The following BCL2 variants were observed in gnomAD, a reference collection of about 807,000 sequenced individuals.
BCL2 encodes BCL2 apoptosis regulator, also known as apoptosis regulator Bcl-2.
A neutral mutation model predicts 14.2 loss-of-function variants in BCL2; 1 was observed. The ratio of observed to expected loss-of-function variants is 0.07; its 90% CI spans 0.02 to 0.33. The LOEUF (loss-of-function observed/expected upper bound fraction) is 0.33, where lower values mean the gene tolerates loss of function less well. Ranked by LOEUF, BCL2 falls within the 10% of genes least tolerant of loss-of-function variation. The pLI is 0.99. For synonymous variants in BCL2, 151 were observed against 137.2 expected (o/e 1.10, Z -0.70); for missense variants, 247 against 305.9 (o/e 0.81, Z 1.44).
At chr18:63,272,636 A>G (rs1030339893) in intron 2 of BCL2, among the ~76,000 whole-genome samples, 1 of 152,226 alleles carries the variant, frequency 6.6e-6, no homozygotes, top group African/African-American at 2.4e-5. Context: ...TAAGGCTGAG[A>G]ATTATAAGTA....
intron 2 of BCL2, among the ~76,000 whole-genome samples, chr18:63,282,167 T>C (rs1380177059): frequency 1.3e-5 from 2 of 152,214 alleles, no homozygotes; most frequent in Non-Finnish European, 2.9e-5. Context: ...TAAAAGGGCA[T>C]AAATGTTACC....
chr18:63,147,200 A>G (rs982451616), intron 2 of BCL2, among the ~76,000 whole-genome samples: 1 of 152,222 alleles, frequency 6.6e-6, no homozygotes, highest in Non-Finnish European at 1.5e-5. Flanking sequence ...CTTGTGGTCC[A>G]GGGATTCACC....
At chr18:63,163,460 A>G (rs1914972133) in intron 2 of BCL2, among the ~76,000 whole-genome samples, 1 of 152,232 alleles carries the variant, frequency 6.6e-6, no homozygotes, top group African/African-American at 2.4e-5. Context: ...CTAGCCCTAT[A>G]ACAGCAGATG....
intron 2 of BCL2, among the ~76,000 whole-genome samples, chr18:63,274,377 G>A (rs1912091684): frequency 6.8e-6 from 1 of 147,838 alleles, no homozygotes; most frequent in African/African-American, 2.5e-5. Flanking sequence ...CCTCCTCTTG[G>A]GTTCAAGTGA....
rs1458891129 is a variant in BCL2 at position 63,128,252 on chromosome 18, A to G, written c.*373T>C. On this transcript the variant is annotated 3_prime_UTR_variant, in exon 3 of 3. Coordinates refer to ENST00000333681, the MANE Select transcript of BCL2 (RefSeq NM_000633.3). Reference sequence around the variant, plus strand: ...ATGGTGATCCGGCCAACAACATGGAAAGCGAATCTATGTTTACAGGCACAG... The same window carrying G: ...ATGGTGATCCGGCCAACAACATGGAGAGCGAATCTATGTTTACAGGCACAG... 2 of 237,404 alleles carry G rather than the reference A, an allele frequency of 8.4e-6. No homozygotes were observed. Among genetic ancestry groups the G allele is most frequent in the Non-Finnish European group, 1.7e-5 (2 of 120,602 alleles). The allele number at this position is 237,404 out of a possible 1,614,324, so 14.7% of individuals were successfully genotyped here.
intron 2 of BCL2, among the ~76,000 whole-genome samples, chr18:63,214,174 G>C: frequency 6.6e-6 from 1 of 152,224 alleles, no homozygotes; most frequent in South Asian, 2.1e-4. Context: ...AGACAAGGAA[G>C]ATGGGAAGCA....
chr18:63,185,823 C>A (rs1040491666), intron 2 of BCL2, among the ~76,000 whole-genome samples: 13 of 152,302 alleles, frequency 8.5e-5, no homozygotes, highest in Admixed American at 2.0e-4. Context: ...AGTAACAGAG[C>A]CAGGACTTGA....
intron 2 of BCL2, among the ~76,000 whole-genome samples, chr18:63,242,683 A>G (rs991796340): frequency 6.6e-6 from 1 of 151,988 alleles, no homozygotes; most frequent in African/African-American, 2.4e-5. Context: ...GGGCATTCTC[A>G]CCGTTCTCCA....
At chr18:63,151,387 G>A (rs1474887645) in intron 2 of BCL2, 1 of 151,936 alleles carries the variant, frequency 6.6e-6, no homozygotes, top group Non-Finnish European at 1.5e-5. Flanking sequence ...TATGAGGTCA[G>A]GAGCAAGCAA....
chr18:63,209,732 A>G (rs1909948348), intron 2 of BCL2, among the ~76,000 whole-genome samples: 1 of 152,140 alleles, frequency 6.6e-6, no homozygotes, highest in Non-Finnish European at 1.5e-5. Context: ...TCTCCGAGAC[A>G]GAGGAAACAG....
At chr18:63,243,950 T>C (rs556848301) in intron 2 of BCL2, among the ~76,000 whole-genome samples, 6 of 152,200 alleles carry the variant, frequency 3.9e-5, no homozygotes, top group Non-Finnish European at 8.8e-5. Context: ...TCAAGATTTC[T>C]AGAAGTTTCG....
chr18:63,197,748 C>T (rs1909488708), intron 2 of BCL2, among the ~76,000 whole-genome samples: 2 of 151,870 alleles, frequency 1.3e-5, no homozygotes, highest in Non-Finnish European at 2.9e-5. Flanking sequence ...ATTTCCCATC[C>T]TCATTCTTTG....
chr18:63,211,446 G>C (rs915575358), intron 2 of BCL2, among the ~76,000 whole-genome samples: 4 of 151,934 alleles, frequency 2.6e-5, no homozygotes, highest in Admixed American at 6.5e-5. Flanking sequence ...TCTCCTCCTG[G>C]TTTTCTAAGC....
chr18:63,312,066 G>T (rs1243462782), intron 2 of BCL2, among the ~76,000 whole-genome samples: 1 of 152,224 alleles, frequency 6.6e-6, no homozygotes, highest in Non-Finnish European at 1.5e-5. Flanking sequence ...GATAGTGTCT[G>T]GTCACAGAAT....
intron 2 of BCL2, among the ~76,000 whole-genome samples, chr18:63,233,711 C>T (rs1033894150): frequency 6.6e-5 from 10 of 152,254 alleles, no homozygotes; most frequent in Admixed American, 5.9e-4. Flanking sequence ...GGACCTGTAC[C>T]GGTCCATGGC....
At chr18:63,182,766 A>G (rs1157583993) in intron 2 of BCL2, among the ~76,000 whole-genome samples, 1 of 152,232 alleles carries the variant, frequency 6.6e-6, no homozygotes, top group Non-Finnish European at 1.5e-5. Flanking sequence ...AAAATTTTGC[A>G]TAGAGTTCTG....
At chr18:63,228,062 C>T (rs1478631379) in intron 2 of BCL2, among the ~76,000 whole-genome samples, 1 of 152,216 alleles carries the variant, frequency 6.6e-6, no homozygotes. Flanking sequence ...TGTGTCCTCA[C>T]ATGGTCTTTC....
Position 63,255,834 on chromosome 18 carries a change from C to A in BCL2, c.585+62248G>T, listed in dbSNP as rs142329270. On this transcript the variant is annotated intron_variant, in intron 2 of 2. Transcript: ENST00000333681. ...TGTGGTTGGCTGCAGCCCTCCCCCC[C>A]CGCCACACACACAAACATTTCTTAC... Among the ~76,000 whole-genome samples the A allele has an allele frequency of 1.7e-3, 253 of 151,954 alleles. 1 individual carries two copies. Among genetic ancestry groups the A allele is most frequent in the African/African-American group, 4.3e-3 (180 of 41,430 alleles).
chr18:63,287,336 C>T (rs1912504586), intron 2 of BCL2, among the ~76,000 whole-genome samples: 2 of 152,070 alleles, frequency 1.3e-5, no homozygotes, highest in African/African-American at 2.4e-5. Context: ...TCAAGGTGCT[C>T]AACAGAGATG....
Sources: allele counts gnomAD v4.1 joint callset (sites outside exome capture counted in the v4.1 genomes callset), GRCh38; gene constraint gnomAD v4.1.1; transcripts MANE v1.5; gene names NCBI Gene and HGNC (gene_info 2026-07-23, HGNC 2026-07-21).